TDRD7: variants seen among roughly 807,000 people sequenced by gnomAD.
The protein encoded by TDRD7 is tudor domain-containing protein 7.
TDRD7 carries 47 observed loss-of-function variants against 109.8 expected under a neutral mutation model. That is an observed-to-expected ratio of 0.43 (90% CI 0.34 to 0.55). The LOEUF (loss-of-function observed/expected upper bound fraction) is 0.55, where lower values mean the gene tolerates loss of function less well. TDRD7 is among the 20% of genes least tolerant of loss of function. The pLI, the probability that TDRD7 is intolerant of heterozygous loss-of-function variation, is 0.03. For synonymous variants in TDRD7, 424 were observed against 457.3 expected, an observed-to-expected ratio of 0.93 and a Z score of 0.93; for missense variants, 1,164 against 1,319.2, an observed-to-expected ratio of 0.88 and a Z score of 1.82.
intron 15 of TDRD7, 147 bp downstream of exon 15, chr9:97,483,498 A>G: frequency 2.0e-6 from 2 of 998,980 alleles, no homozygotes; most frequent in Non-Finnish European, 2.8e-6. Flanking sequence ...CCGATTTTCT[A>G]GTATTTAAAA....
chr9:97,491,114 C>T (rs955183853), intron 16 of TDRD7, among the ~76,000 whole-genome samples: 1 of 152,050 alleles, frequency 6.6e-6, no homozygotes, highest in African/African-American at 2.4e-5. Context: ...CAGGCTTTTT[C>T]ACCATGTTGG....
intron 14 of TDRD7, 71 bp from the exon 15 acceptor site, chr9:97,482,778 G>A (rs571994472): frequency 1.4e-5 from 22 of 1,522,246 alleles, no homozygotes; most frequent in South Asian, 1.2e-4. Flanking sequence ...AATGATTAAG[G>A]TTACTATAAC....
chr9:97,480,451 C>T, intron 13 of TDRD7: 1 of 222,728 alleles, frequency 4.5e-6, no homozygotes, highest in South Asian at 7.1e-5. Flanking sequence ...TTAAGTTGAG[C>T]TAGAGGGTAG....
chr9:97,455,313 T>G (rs1828584648), intron 6 of TDRD7, among the ~76,000 whole-genome samples: 1 of 152,204 alleles, frequency 6.6e-6, no homozygotes, highest in Admixed American at 6.5e-5. Flanking sequence ...GACTTTGCCC[T>G]AACTCATTTT....
At chr9:97,420,204 A>G (rs545123136) in intron 1 of TDRD7, among the ~76,000 whole-genome samples, 3 of 152,300 alleles carry the variant, frequency 2.0e-5, no homozygotes, top group East Asian at 3.9e-4. Context: ...AAAGGAATGA[A>G]CTGAGTTAAA....
rs1200254910 is a variant in TDRD7, at chr9:97,487,351, G to C, written c.3076+19G>C. 3 of 1,613,758 alleles carry C rather than the reference G, an allele frequency of 1.9e-6. No homozygotes were observed. The South Asian group carries it at 3.3e-5, about 18-fold the overall frequency. On this transcript the variant is annotated intron_variant, in intron 16 of 16. Coordinates refer to ENST00000355295, the MANE Select transcript of TDRD7 (RefSeq NM_014290.3). Reference sequence around the variant, plus strand: ...CTTGCAGGTAATTTCTGTGGAATCTGAACTCATGCTACAACAATGCAATAT... The same window carrying C: ...CTTGCAGGTAATTTCTGTGGAATCTCAACTCATGCTACAACAATGCAATAT...
chr9:97,423,410 T>C (rs1827930397), intron 1 of TDRD7, among the ~76,000 whole-genome samples: 1 of 151,210 alleles, frequency 6.6e-6, no homozygotes, highest in Non-Finnish European at 1.5e-5. Context: ...TTTTTTTTTT[T>C]CTATGTTTCT....
At chr9:97,484,163 C>A (rs1302166012) in intron 15 of TDRD7, among the ~76,000 whole-genome samples, 1 of 152,222 alleles carries the variant, frequency 6.6e-6, no homozygotes, top group Admixed American at 6.5e-5. Context: ...TAAGGAGCAA[C>A]AATGCTTATT....
intron 16 of TDRD7, 116 bp downstream of exon 16, chr9:97,487,448 GT>G: frequency 7.4e-7 from 1 of 1,354,738 alleles, no homozygotes; most frequent in Non-Finnish European, 1.0e-6. Context: ...TTGGGTTTTT[GT>G]TTTTTTGTGC....
chr9:97,473,464 T>C (rs1399820509), intron 10 of TDRD7, 28 bp from the exon 11 acceptor site: 1 of 1,613,232 alleles, frequency 6.2e-7, no homozygotes, highest in South Asian at 1.1e-5. Flanking sequence ...CTCTCAAGCA[T>C]TCACGAGGTA....
chr9:97,446,520 GT>G (rs1308247340), intron 6 of TDRD7, among the ~76,000 whole-genome samples: 33 of 152,308 alleles, frequency 2.2e-4, no homozygotes, highest in Admixed American at 1.6e-3. Flanking sequence ...CTACAAGGAT[GT>G]TTTACTGTTA....
Position 97,490,092 on chromosome 9 carries a change from C to A in TDRD7, c.3076+2760C>A, listed in dbSNP as rs890025662. ...CATTGTTGCTATTATTTTGAACAAACCCTATCTAATAGATGAATTAAGAAA... is the reference window on the plus strand; with the variant it reads ...CATTGTTGCTATTATTTTGAACAAAACCTATCTAATAGATGAATTAAGAAA... On this transcript the variant is annotated intron_variant, in intron 16 of 16. Coordinates refer to ENST00000355295, the MANE Select transcript of TDRD7 (RefSeq NM_014290.3). Among the ~76,000 whole-genome samples, 4 of 152,204 alleles carry A rather than the reference C, an allele frequency of 2.6e-5. No individual in the cohort carries two copies. The South Asian group carries it at 6.3e-4, about 24-fold the overall frequency.
chr9:97,449,105 A>C (rs953265286), intron 6 of TDRD7, among the ~76,000 whole-genome samples: 2 of 152,194 alleles, frequency 1.3e-5, no homozygotes, highest in African/African-American at 4.8e-5. Flanking sequence ...TGTCTGAACA[A>C]ACAGACTCCT....
intron 7 of TDRD7, among the ~76,000 whole-genome samples, chr9:97,463,244 C>G (rs1828759231): frequency 6.7e-6 from 1 of 148,960 alleles, no homozygotes; most frequent in African/African-American, 2.5e-5. Flanking sequence ...AACCCTGTCT[C>G]AAAAAAAAAA....
intron 6 of TDRD7, among the ~76,000 whole-genome samples, chr9:97,444,427 C>T (rs1828364737): frequency 1.3e-5 from 2 of 152,222 alleles, no homozygotes; most frequent in African/African-American, 4.8e-5. Flanking sequence ...CAGTTTTAGA[C>T]AGTTAAACCA....
intron 11 of TDRD7, among the ~76,000 whole-genome samples, chr9:97,474,630 G>A (rs889479220): frequency 3.9e-5 from 6 of 152,186 alleles, no homozygotes; most frequent in Non-Finnish European, 8.8e-5. Flanking sequence ...GTGTTACAGA[G>A]GTTTAATTTT....
At chr9:97,463,087 G>A (rs1297442126) in intron 7 of TDRD7, among the ~76,000 whole-genome samples, 1 of 152,240 alleles carries the variant, frequency 6.6e-6, no homozygotes, top group African/African-American at 2.4e-5. Flanking sequence ...CTGCATTCAA[G>A]GCAGTGCCTT....
intron 5 of TDRD7, 40 bp downstream of exon 5, chr9:97,439,358 C>T (rs776824869): frequency 1.2e-4 from 180 of 1,537,204 alleles, no homozygotes; most frequent in African/African-American, 1.6e-4. Context: ...TATTGGCTTC[C>T]GGAGTCAAGA....
rs917608848 is a variant in TDRD7, at chr9:97,475,929, G to A, written c.2166+460G>A. On this transcript the variant is annotated intron_variant, in intron 12 of 16. Coordinates refer to ENST00000355295, the MANE Select transcript of TDRD7 (RefSeq NM_014290.3). ...GTGAGATTCATTCATGTTGATGTGTGCAGCTGTAGTTCATCTATTTTTACT... is the reference window on the plus strand; with the variant it reads ...GTGAGATTCATTCATGTTGATGTGTACAGCTGTAGTTCATCTATTTTTACT... Among the ~76,000 whole-genome samples the A allele has an allele frequency of 2.0e-5, 3 of 152,174 alleles. 1 individual carries two copies. The South Asian group carries it at 6.2e-4, about 32-fold the overall frequency.
Sources: gnomAD v4.1 joint callset for allele counts (sites outside exome capture counted in the v4.1 genomes callset) on GRCh38, gnomAD v4.1.1 for gene constraint, MANE v1.5 for transcripts, NCBI Gene and HGNC (gene_info 2026-07-23, HGNC 2026-07-21) for gene names.